PPFIA4: variants seen among roughly 807,000 people sequenced by gnomAD.
PPFIA4 encodes the protein PPFI scaffold protein A4.
In PPFIA4, 98 loss-of-function variants were observed where a neutral mutation model predicts 145.7. That is an observed-to-expected ratio of 0.67 (90% CI 0.57 to 0.80). The LOEUF (loss-of-function observed/expected upper bound fraction) is 0.80, where lower values mean the gene tolerates loss of function less well. PPFIA4 is among the 30% of genes least tolerant of loss of function. The probability of loss-of-function intolerance (pLI) is 0.00; values close to 1 mark genes in which losing one functional copy is unlikely to be tolerated. For synonymous variants in PPFIA4, 628 were observed against 649.6 expected (o/e 0.97, Z 0.51); for missense variants, 1,457 against 1,632.7 (o/e 0.89, Z 1.85).
intron 24 of PPFIA4, chr1:203,063,334 T>C (rs1296153455): frequency 2.4e-5 from 4 of 164,144 alleles, no homozygotes; most frequent in Non-Finnish European, 5.2e-5. Flanking sequence ...CCTTTATTTT[T>C]TTCAGTCTTC....
At chr1:203,028,484 GGCTGGGGA>G (rs1298181308) in intron 1 of PPFIA4, among the ~76,000 whole-genome samples, 3 of 152,192 alleles carry the variant, frequency 2.0e-5, no homozygotes, top group Non-Finnish European at 4.4e-5. Flanking sequence ...GGCTCAGCAG[GGCTGGGGA>G]GCTGGGTGTT....
At chr1:203,070,442 T>C (rs1662068244) in intron 27 of PPFIA4, among the ~76,000 whole-genome samples, 1 of 151,850 alleles carries the variant, frequency 6.6e-6, no homozygotes, top group African/African-American at 2.4e-5. Flanking sequence ...ATTAACTGGG[T>C]TTGGTAATGC....
chr1:203,071,323 C>A (rs546029261), intron 27 of PPFIA4, among the ~76,000 whole-genome samples: 3 of 151,416 alleles, frequency 2.0e-5, no homozygotes, highest in Admixed American at 2.0e-4. Context: ...GCGCCTGCCA[C>A]ACCATGCCTG....
intron 16 of PPFIA4, 106 bp from the exon 17 acceptor site, chr1:203,056,014 G>T: frequency 8.8e-7 from 1 of 1,132,984 alleles, no homozygotes; most frequent in Non-Finnish European, 1.3e-6. Context: ...GCCTGTGTGA[G>T]GCACTGAATC....
intron 25 of PPFIA4, chr1:203,067,447 TCCCATCAA>T: frequency 2.2e-6 from 1 of 448,672 alleles, no homozygotes; most frequent in Non-Finnish European, 4.0e-6. Context: ...GAACTTTTTT[TCCCATCAA>T]TCCATCCCCA....
intron 24 of PPFIA4, chr1:203,063,134 G>A (rs1298757866): frequency 2.0e-5 from 3 of 152,208 alleles, no homozygotes; most frequent in Non-Finnish European, 2.9e-5. Context: ...GAAAACTAAA[G>A]CTTTCTCAAG....
At chr1:203,062,119 C>T (rs1661405322) in intron 24 of PPFIA4, among the ~76,000 whole-genome samples, 1 of 151,920 alleles carries the variant, frequency 6.6e-6, no homozygotes. Flanking sequence ...AAAGCAAGCC[C>T]TCATGGAGGC....
rs769099610 is a variant in PPFIA4, at chr1:203,053,806, C to T, written c.1674C>T (p.Ala558=). 1.2e-5 allele frequency: 18 copies of T among 1,552,948 alleles called. No individual in the cohort carries two copies. In the South Asian group the frequency reaches 2.0e-4, roughly 17 times the overall value. ...PGMLAPAAGP[A]FDSDPEISDV... Reference sequence around the variant, plus strand: ...TGCTGGCCCCGGCAGCTGGCCCTGCCTTTGACAGTGACCCTGAGATCTCCG... The same window carrying T: ...TGCTGGCCCCGGCAGCTGGCCCTGCTTTTGACAGTGACCCTGAGATCTCCG... Residue 558 remains alanine (A), a synonymous_variant, in exon 15 of 30, where the codon GCC becomes GCT. Coordinates refer to ENST00000295706, the MANE Select transcript of PPFIA4 (RefSeq NM_001304331.2).
rs760837998 is a variant in PPFIA4, at chr1:203,056,372, C to G, written c.2107-3C>G. The G allele has an allele frequency of 6.2e-7, 1 of 1,613,514 alleles. No homozygotes were observed. Among genetic ancestry groups the G allele is most frequent in the South Asian group, 1.1e-5 (1 of 90,984 alleles). On this transcript the variant is annotated splice_polypyrimidine_tract_variant and splice_region_variant and intron_variant, in intron 17 of 29. Transcript: ENST00000295706. ...TCCCCTGACGGCTCCACTGTCTGTT[C>G]AGTCGCCAGTGTCTCGGGAAGAGAA... is the stretch of plus-strand genomic sequence containing the variant.
At chr1:203,041,237 A>T (rs1659674763) in intron 2 of PPFIA4, among the ~76,000 whole-genome samples, 1 of 152,206 alleles carries the variant, frequency 6.6e-6, no homozygotes, top group South Asian at 2.1e-4. Flanking sequence ...ATCCAGGTTG[A>T]CTGGGTCTTA....
chr1:203,038,768 ACCCAG>A lies in PPFIA4; in HGVS notation c.-237_-233del. On this transcript the variant is annotated 5_prime_UTR_variant, in exon 2 of 30. An upstream open reading frame in the 5' UTR gains an earlier in-frame stop. Coordinates refer to ENST00000295706, the MANE Select transcript of PPFIA4 (RefSeq NM_001304331.2). Reference sequence around the variant, plus strand: ...GTCTGCATGTCTGGGGACACAGGGCACCCAGCCCCAGCCCTGAGAAGTTAAGCCAG... The same window carrying A: ...GTCTGCATGTCTGGGGACACAGGGCACCCCAGCCCTGAGAAGTTAAGCCAG... 1 of 372,426 alleles carries A rather than the reference ACCCAG, an allele frequency of 2.7e-6. No individual in the cohort carries two copies. The highest frequency in any genetic ancestry group is 4.9e-6 in the Non-Finnish European group (1 of 206,096). 23.1% of individuals were successfully genotyped at this position (372,426 alleles called of 1,614,324 possible).
chr1:203,063,777 C>A, intron 24 of PPFIA4, 51 bp from the exon 25 acceptor site: 2 of 1,599,598 alleles, frequency 1.3e-6, no homozygotes, highest in Non-Finnish European at 1.7e-6. Context: ...CCTCAGCCTG[C>A]TGGCTCTACC....
Position 203,053,911 on chromosome 1 carries a change from C to T in PPFIA4, c.1779C>T (p.Thr593=). 6.4e-7 allele frequency: 1 copy of T among 1,567,548 alleles called. No homozygotes were observed. Among genetic ancestry groups the T allele is most frequent in the Non-Finnish European group, 8.7e-7 (1 of 1,155,722 alleles). Residue 593 remains threonine, a synonymous_variant, in exon 15 of 30, where the codon ACC becomes ACT. Transcript: ENST00000295706. ...VSPSGHSDAQ[T]LAMMLQEQLD... ...CCAGCGGCCACTCAGATGCCCAGAC[C>T]CTGGCCATGATGCTGCAGGAGCAGC...
At chr1:203,061,922 C>T (rs1661390050) in intron 24 of PPFIA4, among the ~76,000 whole-genome samples, 1 of 152,110 alleles carries the variant, frequency 6.6e-6, no homozygotes, top group South Asian at 2.1e-4. Flanking sequence ...TGGCCCTTCT[C>T]CTCAGTCTCA....
chr1:203,057,203 TG>T (rs1661033188), intron 19 of PPFIA4, among the ~76,000 whole-genome samples: 2 of 152,244 alleles, frequency 1.3e-5, no homozygotes, highest in Admixed American at 6.5e-5. Context: ...TGGCATGCTG[TG>T]GAAAGGTCTC....
Position 203,075,812 on chromosome 1 carries a change from C to A in PPFIA4, c.3574+55C>A. 7.4e-7 allele frequency: 1 copy of A among 1,342,946 alleles called. No individual in the cohort carries two copies. Among genetic ancestry groups the A allele is most frequent in the South Asian group, 2.0e-5 (1 of 49,780 alleles). 83.2% of individuals were successfully genotyped at this position (1,342,946 alleles called of 1,614,324 possible). A position where few individuals can be genotyped will look rare whatever the true frequency, so the allele number is the denominator to read the frequency against. On this transcript the variant is annotated intron_variant, in intron 29 of 29. Transcript: ENST00000295706. This position sits in a 1 kb window ranked among gnomAD's most constrained non-coding sequence, Gnocchi z 4.1. Reference sequence around the variant, plus strand: ...AGGCCCAGCCGAGCGCGGGCTTCTTCCTGGCACCCCAGGGCCGGGCCGGGT... The same window carrying A: ...AGGCCCAGCCGAGCGCGGGCTTCTTACTGGCACCCCAGGGCCGGGCCGGGT...
rs927614394 is a variant in PPFIA4 at position 203,052,659 on chromosome 1, G to A, written c.1620+782G>A. On this transcript the variant is annotated intron_variant, in intron 14 of 29. Transcript: ENST00000295706. ...AGAATATAGCAGCTATCCAGGAGCTGAGAGGCTGCAGGAGCCTGAAGGGGA... is the reference window on the plus strand; with the variant it reads ...AGAATATAGCAGCTATCCAGGAGCTAAGAGGCTGCAGGAGCCTGAAGGGGA... Among the ~76,000 whole-genome samples, 6 of 152,176 alleles carry A rather than the reference G, an allele frequency of 3.9e-5. 1 individual carries two copies. Among genetic ancestry groups the A allele is most frequent in the Non-Finnish European group, 7.3e-5 (5 of 68,040 alleles).
chr1:203,062,683 G>T (rs1471608044), intron 24 of PPFIA4, among the ~76,000 whole-genome samples: 1 of 151,968 alleles, frequency 6.6e-6, no homozygotes, highest in Non-Finnish European at 1.5e-5. Flanking sequence ...GGTCGGGGGG[G>T]ATCCGAGCCA....
chr1:203,047,739 A>G (rs987947589), intron 9 of PPFIA4, among the ~76,000 whole-genome samples: 4 of 152,148 alleles, frequency 2.6e-5, no homozygotes, highest in African/African-American at 7.2e-5. Flanking sequence ...CCTGGGTGCT[A>G]TTATTACCCA....
Sources: allele counts gnomAD v4.1 joint callset (sites outside exome capture counted in the v4.1 genomes callset), GRCh38; gene constraint gnomAD v4.1.1; non-coding constraint Gnocchi (gnomAD v3.1); transcripts MANE v1.5; gene names NCBI Gene and HGNC (gene_info 2026-07-23, HGNC 2026-07-21).